Variants in ZMYM5 observed in about 807,000 individuals in gnomAD.
ZMYM5 encodes zinc finger MYM-type containing 5, also known as zinc finger MYM-type protein 5.
In ZMYM5, 41 loss-of-function variants were observed where a neutral mutation model predicts 61.8. The observed-to-expected ratio is 0.66, with a 90% CI of 0.52 to 0.86. ZMYM5 has a LOEUF of 0.86. ZMYM5 is among the 40% of genes least tolerant of loss of function. The pLI is 0.00. For missense variants in ZMYM5, 706 were observed against 786.7 expected, an observed-to-expected ratio of 0.90 and a Z score of 1.23; for synonymous variants, 257 against 276.4, an observed-to-expected ratio of 0.93 and a Z score of 0.70.
chr13:19,846,799 C>T (rs1953089088), intron 4 of ZMYM5, among the ~76,000 whole-genome samples: 1 of 151,084 alleles, frequency 6.6e-6, no homozygotes, highest in African/African-American at 2.4e-5. Flanking sequence ...TTATGGCATG[C>T]ACTTGTAGTC....
chr13:19,829,513 A>T, intron 7 of ZMYM5, among the ~76,000 whole-genome samples: 1 of 151,736 alleles, frequency 6.6e-6, no homozygotes, highest in Non-Finnish European at 1.5e-5. Context: ...TTGGTCTTGA[A>T]CTCCTGGGCT....
chr13:19,841,708 G>A (rs1445158365), intron 4 of ZMYM5: 1 of 133,652 alleles, frequency 7.5e-6, no homozygotes. Context: ...TTTTTTTTTT[G>A]TACTGTTTAT....
chr13:19,836,353 T>C (rs748935070), intron 6 of ZMYM5, among the ~76,000 whole-genome samples: 1 of 151,992 alleles, frequency 6.6e-6, no homozygotes, highest in African/African-American at 2.4e-5. Flanking sequence ...TACTCATGCC[T>C]CCTGAATAGC....
chr13:19,837,019 T>C (rs1253254444), intron 6 of ZMYM5, among the ~76,000 whole-genome samples: 1 of 141,052 alleles, frequency 7.1e-6, no homozygotes, highest in Non-Finnish European at 1.5e-5. Context: ...GGTATGTTGT[T>C]TTTTGTTTTT....
Position 19,837,654 on chromosome 13 carries a change from A to C in ZMYM5, c.1038+2T>G. ...CAACAACTTAGGTATAAAAATCCAG[A>C]CCTCTGCTAATTTACTACAAATTGT... On this transcript the variant is annotated splice_donor_variant, in intron 6 of 7. Coordinates refer to ENST00000337963, the MANE Select transcript of ZMYM5 (RefSeq NM_001142684.2). LOFTEE classifies it high-confidence loss of function. 4 of 1,589,912 alleles carry C rather than the reference A, an allele frequency of 2.5e-6. No homozygotes were observed. The highest frequency in any genetic ancestry group is 3.4e-6 in the Non-Finnish European group (4 of 1,174,458).
intron 7 of ZMYM5, among the ~76,000 whole-genome samples, chr13:19,832,815 A>G (rs1303184377): frequency 1.3e-5 from 2 of 151,842 alleles, no homozygotes; most frequent in Admixed American, 6.6e-5. Context: ...CCCAGGGTGG[A>G]GTGTAATGGT....
intron 4 of ZMYM5, among the ~76,000 whole-genome samples, chr13:19,847,067 C>T (rs571166186): frequency 1.3e-5 from 2 of 152,234 alleles, no homozygotes; most frequent in South Asian, 2.1e-4. Flanking sequence ...TGTGTCTCAG[C>T]CTCCCCAGTA....
intron 7 of ZMYM5, among the ~76,000 whole-genome samples, chr13:19,832,329 T>TG (rs1891268811): frequency 2.0e-5 from 3 of 151,816 alleles, no homozygotes; most frequent in Non-Finnish European, 4.4e-5. Flanking sequence ...ATCATCCTTT[T>TG]TTTGTTGTTG....
intron 4 of ZMYM5, among the ~76,000 whole-genome samples, chr13:19,847,741 A>C (rs1350147416): frequency 7.3e-6 from 1 of 137,410 alleles, no homozygotes; most frequent in Non-Finnish European, 1.5e-5. Context: ...GGTTCAGGTC[A>C]TTCTCCTGCC....
intron 7 of ZMYM5, among the ~76,000 whole-genome samples, chr13:19,826,387 T>A (rs1448717982): frequency 6.6e-6 from 1 of 151,302 alleles, no homozygotes; most frequent in Non-Finnish European, 1.5e-5. Flanking sequence ...ACTGGAAGTT[T>A]GTCAAAATTT....
intron 6 of ZMYM5, among the ~76,000 whole-genome samples, chr13:19,836,085 A>G (rs1195711698): frequency 6.6e-6 from 1 of 152,196 alleles, no homozygotes; most frequent in African/African-American, 2.4e-5. Flanking sequence ...TGGCCTCCCA[A>G]CATGCTGGGA....
At chr13:19,857,771 T>C (rs1953565100) in intron 2 of ZMYM5, among the ~76,000 whole-genome samples, 1 of 152,054 alleles carries the variant, frequency 6.6e-6, no homozygotes, top group Admixed American at 6.6e-5. Context: ...CTGAGCACTT[T>C]GGGAGGCTGA....
Position 19,835,458 on chromosome 13 carries a change from G to T in ZMYM5, c.1251+19C>A. On this transcript the variant is annotated intron_variant, in intron 7 of 7. Transcript: ENST00000337963. ...GCTACTATATATTTGATCATTTAAA[G>T]CTCATGAAAAAGAATTACCTGTTTA... 1 of 1,348,156 alleles carries T rather than the reference G, an allele frequency of 7.4e-7. No homozygotes were observed. The highest frequency in any genetic ancestry group is 9.9e-7 in the Non-Finnish European group (1 of 1,006,690). The allele number at this position is 1,348,156 out of a possible 1,614,324, so 83.5% of individuals were successfully genotyped here. A position where few individuals can be genotyped will look rare whatever the true frequency, so the allele number is the denominator to read the frequency against.
At chr13:19,843,096 G>A (rs544998552) in intron 4 of ZMYM5, among the ~76,000 whole-genome samples, 2 of 151,060 alleles carry the variant, frequency 1.3e-5, no homozygotes, top group South Asian at 4.2e-4. Flanking sequence ...AATTACAGGC[G>A]TGAGCCACTG....
rs1430433897 is a variant in ZMYM5 at position 19,851,363 on chromosome 13, T to C, written c.578A>G (p.His193Arg). The C allele has an allele frequency of 4.3e-6, 7 of 1,613,924 alleles. No individual in the cohort carries two copies. The highest frequency in any genetic ancestry group is 1.3e-5 in the African/African-American group (1 of 75,060). ...LFQNGEFATHHSPDSWISQSA... is the reference protein window; with the variant it reads ...LFQNGEFATHRSPDSWISQSA... ...TATCACTTACTGCTTACCAGGACTATGATGAGTTGCAAATTCTCCATTCTG... is the reference window on the plus strand; with the variant it reads ...TATCACTTACTGCTTACCAGGACTACGATGAGTTGCAAATTCTCCATTCTG... The change falls in exon 4 of 8, where the codon CAT becomes CGT. Residue 193 changes from histidine to arginine, a missense_variant. Physicochemically the swap from His to Arg is conservative, Grantham distance 29. Transcript: ENST00000337963.
chr13:19,834,658 A>G (rs1038576548), intron 7 of ZMYM5, among the ~76,000 whole-genome samples: 3 of 152,144 alleles, frequency 2.0e-5, no homozygotes, highest in African/African-American at 7.2e-5. Flanking sequence ...ATGGTACAGA[A>G]GAAAAATTAG....
At chr13:19,837,315 G>T in intron 6 of ZMYM5, 4 of 808,886 alleles carry the variant, frequency 4.9e-6, no homozygotes, top group Non-Finnish European at 6.7e-6. Context: ...CACCACGTCC[G>T]GCCCCAAGGG....
chr13:19,836,861 T>C (rs1952688385), intron 6 of ZMYM5, among the ~76,000 whole-genome samples: 1 of 152,126 alleles, frequency 6.6e-6, no homozygotes, highest in African/African-American at 2.4e-5. Flanking sequence ...TCTTCTCTTC[T>C]AGGAAATGGG....
At chr13:19,838,631 T>TTAA in intron 5 of ZMYM5, 69 bp downstream of exon 5, 7 of 1,548,660 alleles carry the variant, frequency 4.5e-6, no homozygotes, top group Non-Finnish European at 6.2e-6. Context: ...AGCTCTGCAG[T>TTAA]TATATTGAGT....
Sources: allele counts gnomAD v4.1 joint callset (sites outside exome capture counted in the v4.1 genomes callset), GRCh38; gene constraint gnomAD v4.1.1; transcripts MANE v1.5; gene names NCBI Gene and HGNC (gene_info 2026-07-23, HGNC 2026-07-21).